The following TMEM267 variants were observed in gnomAD, a reference collection of about 807,000 sequenced individuals.
TMEM267 encodes transmembrane protein C5orf28.
A neutral mutation model predicts 19.3 loss-of-function variants in TMEM267; 20 were observed. That is an observed-to-expected ratio of 1.04 (90% CI 0.73 to 1.51). The LOEUF is 1.51. TMEM267 is among the 40% of genes most tolerant of loss of function. TMEM267 has a pLI of 0.00. For missense variants in TMEM267, 242 were observed against 261.9 expected (o/e 0.92, Z 0.52); for synonymous variants, 88 against 90.3 (o/e 0.97, Z 0.15).
intron 2 of TMEM267, among the ~76,000 whole-genome samples, chr5:43,447,955 G>A (rs1041598035): frequency 6.6e-6 from 1 of 152,148 alleles, no homozygotes; most frequent in African/African-American, 2.4e-5. Context: ...AAGAAAGGGA[G>A]AGACACTCTT....
At chr5:43,452,854 A>G (rs1336508152) in intron 2 of TMEM267, among the ~76,000 whole-genome samples, 3 of 152,222 alleles carry the variant, frequency 2.0e-5, no homozygotes, top group African/African-American at 7.2e-5. Flanking sequence ...TATTTCCTGA[A>G]TATCTACTAG....
chr5:43,465,362 G>A (rs1743588866), intron 1 of TMEM267, among the ~76,000 whole-genome samples: 2 of 152,348 alleles, frequency 1.3e-5, no homozygotes, highest in South Asian at 4.1e-4. Flanking sequence ...TACACTGTTG[G>A]TGGGACTGTA....
intron 2 of TMEM267, among the ~76,000 whole-genome samples, chr5:43,452,894 T>A (rs1473796153): frequency 3.9e-5 from 6 of 152,154 alleles, no homozygotes; most frequent in Admixed American, 3.9e-4. Context: ...AGGCCAGGGG[T>A]GAATGAAACA....
intron 1 of TMEM267, among the ~76,000 whole-genome samples, chr5:43,472,610 A>G (rs1228672849): frequency 6.6e-6 from 1 of 152,248 alleles, no homozygotes; most frequent in Non-Finnish European, 1.5e-5. Flanking sequence ...CTATTCAGCC[A>G]TAAGAAAGAA....
chr5:43,459,498 T>G (rs1743133493), intron 1 of TMEM267, among the ~76,000 whole-genome samples: 1 of 151,956 alleles, frequency 6.6e-6, no homozygotes, highest in Non-Finnish European at 1.5e-5. Flanking sequence ...ACAAAAAGTC[T>G]TCACAATATA....
chr5:43,483,507 G>T (rs1425577435), intron 1 of TMEM267, among the ~76,000 whole-genome samples: 1 of 152,196 alleles, frequency 6.6e-6, no homozygotes, highest in Non-Finnish European at 1.5e-5. Context: ...CCAGAAAAAG[G>T]CCAGGGGCGC....
In TMEM267 at chr5:43,455,863, T is replaced by A. The variant is rs539721230; in HGVS notation, c.-74-1820A>T. Among the ~76,000 whole-genome samples the A allele has an allele frequency of 1.9e-3, 291 of 151,754 alleles. 1 individual carries two copies. Among genetic ancestry groups the A allele is most frequent in the African/African-American group, 6.6e-3 (272 of 41,334 alleles). On this transcript the variant is annotated intron_variant, in intron 1 of 2. Transcript: ENST00000397080. Reference sequence around the variant, plus strand: ...CCATCGTGCCCAGCCAATTTTTTTTTATTTAAGACAGAGTTTTACTGGAGT... The same window carrying A: ...CCATCGTGCCCAGCCAATTTTTTTTAATTTAAGACAGAGTTTTACTGGAGT...
intron 1 of TMEM267, among the ~76,000 whole-genome samples, chr5:43,467,146 C>CAA (rs70994698): frequency 0.013 from 637 of 48,894 alleles, 12 homozygotes; most frequent in African/African-American, 0.034. Context: ...GAGACTCTGT[C>CAA]AAAAAAAAAA....
In TMEM267 at chr5:43,453,841, CTGAAT is replaced by C. The variant is rs1742762647; in HGVS notation, c.124_128del (p.Ile42AlafsTer3). 6.2e-7 allele frequency: 1 copy of C among 1,614,038 alleles called. No individual in the cohort carries two copies. The highest frequency in any genetic ancestry group is 8.5e-7 in the Non-Finnish European group (1 of 1,179,992). On this transcript the variant is annotated frameshift_variant, in exon 2 of 3. Coordinates refer to ENST00000397080, the MANE Select transcript of TMEM267 (RefSeq NM_022483.5). LOFTEE classifies it high-confidence loss of function. ...AGAGAGCACGAAGCCAGTCATTTTG[CTGAAT>C]TGTGGAAAACTGAAGAAGTCTGTCA... is the stretch of plus-strand genomic sequence containing the variant.
intron 1 of TMEM267, among the ~76,000 whole-genome samples, chr5:43,471,650 C>T (rs1473042921): frequency 2.0e-5 from 3 of 152,100 alleles, no homozygotes; most frequent in East Asian, 1.9e-4. Flanking sequence ...ACACCTATAG[C>T]GAACTAATTT....
At chr5:43,457,200 A>G (rs1743003278) in intron 1 of TMEM267, among the ~76,000 whole-genome samples, 1 of 152,242 alleles carries the variant, frequency 6.6e-6, no homozygotes, top group African/African-American at 2.4e-5. Context: ...ACATATCAAT[A>G]TTGGTTCCCT....
intron 2 of TMEM267, 145 bp downstream of exon 2, chr5:43,453,513 C>A: frequency 1.4e-6 from 1 of 695,200 alleles, no homozygotes; most frequent in Admixed American, 2.9e-5. Context: ...CATCTTTAGG[C>A]AAGTACTAAG....
At chr5:43,460,549 TA>T (rs111632630) in intron 1 of TMEM267, among the ~76,000 whole-genome samples, 10 of 145,674 alleles carry the variant, frequency 6.9e-5, no homozygotes, top group Admixed American at 1.4e-4. Flanking sequence ...CAGAAGGGAT[TA>T]AAAAAAAAAC....
chr5:43,483,490 C>T (rs1337847597), intron 1 of TMEM267, among the ~76,000 whole-genome samples: 2 of 152,196 alleles, frequency 1.3e-5, no homozygotes, highest in Non-Finnish European at 2.9e-5. Context: ...CGGAACCCCA[C>T]CCTGGGCCAG....
At chr5:43,481,787 C>G (rs909008273) in intron 1 of TMEM267, among the ~76,000 whole-genome samples, 1 of 152,052 alleles carries the variant, frequency 6.6e-6, no homozygotes, top group Non-Finnish European at 1.5e-5. Flanking sequence ...GGGCCAGAAC[C>G]GCCAGCTAAG....
chr5:43,479,255 A>C (rs1296534052), intron 1 of TMEM267, among the ~76,000 whole-genome samples: 2 of 151,998 alleles, frequency 1.3e-5, no homozygotes, highest in African/African-American at 4.8e-5. Flanking sequence ...ATTTTTGTTA[A>C]AAAATATATA....
chr5:43,460,931 G>A (rs1349054523), intron 1 of TMEM267, among the ~76,000 whole-genome samples: 1 of 152,196 alleles, frequency 6.6e-6, no homozygotes, highest in East Asian at 1.9e-4. Flanking sequence ...TCCTAGAGCT[G>A]AACTAGGCCC....
chr5:43,467,447 C>A (rs1002323004), intron 1 of TMEM267, among the ~76,000 whole-genome samples: 1 of 152,076 alleles, frequency 6.6e-6, no homozygotes, highest in East Asian at 1.9e-4. Context: ...TATACCTATA[C>A]TGAACAAAAT....
chr5:43,469,717 T>C (rs1743950307), intron 1 of TMEM267, among the ~76,000 whole-genome samples: 1 of 152,194 alleles, frequency 6.6e-6, no homozygotes, highest in Non-Finnish European at 1.5e-5. Context: ...AAAGTAAACT[T>C]GGGAACTATG....
Sources: gnomAD v4.1 joint callset for allele counts (sites outside exome capture counted in the v4.1 genomes callset) on GRCh38, gnomAD v4.1.1 for gene constraint, MANE v1.5 for transcripts, NCBI Gene and HGNC (gene_info 2026-07-23, HGNC 2026-07-21) for gene names.